PCDHGA4: variants seen among roughly 807,000 people sequenced by gnomAD.
PCDHGA4 encodes the protein protocadherin gamma subfamily A, 4, also known as protocadherin gamma-A4.
A neutral mutation model predicts 54.6 loss-of-function variants in PCDHGA4; 38 were observed. That is an observed-to-expected ratio of 0.70 (90% CI 0.54 to 0.91). The LOEUF (loss-of-function observed/expected upper bound fraction) is 0.91, where lower values mean the gene tolerates loss of function less well. Among genes scored for constraint, PCDHGA4 ranks in the 40% least tolerant of loss-of-function variants. The pLI is 0.00. For synonymous variants in PCDHGA4, 511 were observed against 512.9 expected (o/e 1.00, Z 0.05); for missense variants, 1,298 against 1,220.9 (o/e 1.06, Z -0.94).
At chr5:141,375,018 C>T (rs754559115) in intron 1 of PCDHGA4, 7 of 1,613,982 alleles carry the variant, frequency 4.3e-6, no homozygotes, top group Non-Finnish European at 4.2e-6. Flanking sequence ...TATGAGGACT[C>T]GAGTTTTTAT....
chr5:141,428,297 T>G (rs2097131311), intron 1 of PCDHGA4: 5 of 712,160 alleles, frequency 7.0e-6, no homozygotes, highest in Non-Finnish European at 1.2e-5. Flanking sequence ...AAGCTGCAGA[T>G]TTACCTGGTC....
intron 1 of PCDHGA4, chr5:141,423,540 C>T (rs961504938): frequency 6.2e-7 from 1 of 1,613,606 alleles, no homozygotes; most frequent in Non-Finnish European, 8.5e-7. Context: ...ACCTGATTTT[C>T]CCCCAGCCCA....
intron 1 of PCDHGA4, chr5:141,441,872 G>T: frequency 2.9e-6 from 1 of 341,646 alleles, no homozygotes. Flanking sequence ...GCGGAGCCTG[G>T]CTACCTGGTC....
At chr5:141,393,820 C>T (rs2092851099) in intron 1 of PCDHGA4, 1 of 1,613,918 alleles carries the variant, frequency 6.2e-7, no homozygotes, top group Non-Finnish European at 8.5e-7. Context: ...TTGCTCATTT[C>T]GGTGGAAGAT....
intron 1 of PCDHGA4, chr5:141,383,457 C>T (rs1270613288): frequency 2.5e-6 from 4 of 1,613,734 alleles, no homozygotes; most frequent in Non-Finnish European, 3.4e-6. Flanking sequence ...AAAGTGGAGA[C>T]GATGAAACTA....
rs1419377760 is a variant in PCDHGA4 at position 141,418,687 on chromosome 5, GATCACTT to G, written c.2514+61069_2514+61075del. ...ACCAGGACGAGGGCATCAACTCAGA[GATCACTT>G]ATTCCTTCTTTGGTGTGGCTGACAA... On this transcript the variant is annotated intron_variant, in intron 1 of 3. Transcript: ENST00000571252. 6 of 1,613,928 alleles carry G rather than the reference GATCACTT, an allele frequency of 3.7e-6. No individual in the cohort carries two copies. In the African/African-American group the frequency reaches 8.0e-5, roughly 22 times the overall value.
At chr5:141,398,014 C>G in intron 1 of PCDHGA4, 1 of 1,420,276 alleles carries the variant, frequency 7.0e-7, no homozygotes, top group Non-Finnish European at 9.4e-7. Flanking sequence ...AGAATCGTTT[C>G]CTAAACTGGA....
At chr5:141,395,807 A>G (rs1561656089) in intron 1 of PCDHGA4, 1 of 152,004 alleles carries the variant, frequency 6.6e-6, no homozygotes, top group Non-Finnish European at 1.5e-5. Context: ...ATCCTTCAAA[A>G]CATGAACAAA....
Position 141,431,721 on chromosome 5 carries a change from C to T in PCDHGA4, c.2515-63086C>T. The T allele has an allele frequency of 1.2e-6, 2 of 1,614,246 alleles. No homozygotes were observed. Among genetic ancestry groups the T allele is most frequent in the Non-Finnish European group, 1.7e-6 (2 of 1,180,044 alleles). On this transcript the variant is annotated intron_variant, in intron 1 of 3. Transcript: ENST00000571252. The surrounding 1 kb of genome is among the most constrained non-coding windows in gnomAD (Gnocchi z 4.8). ...GGATTCTACCAGATGGAAGTGCAAGCAATGGATAATGCAGGATATTCTGCG... is the reference window on the plus strand; with the variant it reads ...GGATTCTACCAGATGGAAGTGCAAGTAATGGATAATGCAGGATATTCTGCG...
At chr5:141,457,647 T>C (rs929739178) in intron 1 of PCDHGA4, among the ~76,000 whole-genome samples, 6 of 152,256 alleles carry the variant, frequency 3.9e-5, no homozygotes, top group Non-Finnish European at 8.8e-5. Context: ...ATTATTTGCA[T>C]GAAGTGCAGC....
rs141397385 is a variant in PCDHGA4 at position 141,476,135 on chromosome 5, A to C, written c.2515-18672A>C. 8.4e-4 allele frequency: 1,352 copies of C among 1,608,526 alleles called. 1 individual carries two copies. Among genetic ancestry groups the C allele is most frequent in the Non-Finnish European group, 1.1e-3 (1,319 of 1,178,332 alleles). On this transcript the variant is annotated intron_variant, in intron 1 of 3. Transcript: ENST00000571252. This position sits in a 1 kb window ranked among gnomAD's most constrained non-coding sequence, Gnocchi z 7.6. ...GAGTGAGATGGTCCCAGAGGCCTGG[A>C]GGAGCGGACTGGTAAGCACCGGGAG...
At chr5:141,376,228 A>G (rs762009445) in intron 1 of PCDHGA4, 17 of 1,613,956 alleles carry the variant, frequency 1.1e-5, no homozygotes, top group Admixed American at 3.3e-5. Context: ...TGGCGCTCAG[A>G]CTGCAGCGCT....
At position 141,431,367 on chromosome 5, in the gene PCDHGA4, A is replaced by G; in HGVS notation, c.2515-63440A>G. 1.2e-6 allele frequency: 2 copies of G among 1,613,984 alleles called. No homozygotes were observed. The highest frequency in any genetic ancestry group is 2.2e-5 in the South Asian group (2 of 91,084). On this transcript the variant is annotated intron_variant, in intron 1 of 3. Coordinates refer to ENST00000571252, the MANE Select transcript of PCDHGA4 (RefSeq NM_018917.4). This position sits in a 1 kb window ranked among gnomAD's most constrained non-coding sequence, Gnocchi z 4.8. ...GTGCTGAAACGCGCCCTGGACCGCGAAGAAAAGGCTGCTCACCACCTGGTC... is the reference window on the plus strand; with the variant it reads ...GTGCTGAAACGCGCCCTGGACCGCGGAGAAAAGGCTGCTCACCACCTGGTC...
intron 1 of PCDHGA4, among the ~76,000 whole-genome samples, chr5:141,473,126 A>C (rs2154571574): frequency 6.6e-6 from 1 of 152,356 alleles, no homozygotes; most frequent in South Asian, 2.1e-4. Flanking sequence ...GCTCTTTGGC[A>C]AACTATATTA....
chr5:141,459,139 A>G (rs1592605909), intron 1 of PCDHGA4, among the ~76,000 whole-genome samples: 1 of 152,360 alleles, frequency 6.6e-6, no homozygotes, highest in Non-Finnish European at 1.5e-5. Flanking sequence ...ACCACCATGC[A>G]ATCAAAATAT....
At chr5:141,397,626 C>G (rs539348100) in intron 1 of PCDHGA4, among the ~76,000 whole-genome samples, 27 of 152,256 alleles carry the variant, frequency 1.8e-4, no homozygotes, top group Middle Eastern at 3.4e-3. Context: ...TTAGTTCTAG[C>G]TAAGAGTTCA....
intron 1 of PCDHGA4, among the ~76,000 whole-genome samples, chr5:141,420,581 C>T (rs1024544346): frequency 2.6e-5 from 4 of 151,994 alleles, no homozygotes; most frequent in Admixed American, 6.5e-5. Flanking sequence ...TAATTGAAAC[C>T]CTGATGCTAC....
At position 141,491,700 on chromosome 5, in the gene PCDHGA4, G is replaced by A. The variant is rs1199177466; in HGVS notation, c.2515-3107G>A. 3.1e-6 allele frequency: 5 copies of A among 1,611,830 alleles called. No homozygotes were observed. The highest frequency in any genetic ancestry group is 4.2e-6 in the Non-Finnish European group (5 of 1,179,142). On this transcript the variant is annotated intron_variant, in intron 1 of 3. Coordinates refer to ENST00000571252, the MANE Select transcript of PCDHGA4 (RefSeq NM_018917.4). The surrounding 1 kb of genome is among the most constrained non-coding windows in gnomAD (Gnocchi z 6.9). ...CTAATACGCTGCGGGAGCGGAGCCA[G>A]GTGAGGGGCTCGGCGCCGCCCCGGG...
chr5:141,399,660 C>A lies in PCDHGA4; in HGVS notation c.2514+42039C>A, dbSNP rs988885728. 11 of 1,613,536 alleles carry A rather than the reference C, an allele frequency of 6.8e-6. No individual in the cohort carries two copies. The highest frequency in any genetic ancestry group is 9.3e-6 in the Non-Finnish European group (11 of 1,179,888). ...TGAGCGCGCAAAGTGGGGTGGTGTT[C>A]GCGCAGCGCGCCTTTGACTACGAGC... is the stretch of plus-strand genomic sequence containing the variant. On this transcript the variant is annotated intron_variant, in intron 1 of 3. Coordinates refer to ENST00000571252, the MANE Select transcript of PCDHGA4 (RefSeq NM_018917.4).
Sources: gnomAD v4.1 joint callset for allele counts (sites outside exome capture counted in the v4.1 genomes callset) on GRCh38, gnomAD v4.1.1 for gene constraint, Gnocchi (gnomAD v3.1) non-coding constraint, MANE v1.5 for transcripts, NCBI Gene and HGNC (gene_info 2026-07-23, HGNC 2026-07-21) for gene names.